DAB1: variants seen among roughly 807,000 people sequenced by gnomAD.
The protein encoded by DAB1 is disabled homolog 1.
Under a neutral mutation model 64.6 loss-of-function variants are expected in DAB1, and 15 were observed. The observed-to-expected ratio is 0.23, with a 90% CI of 0.16 to 0.36. The LOEUF is 0.36. DAB1 is among the 10% of genes least tolerant of loss of function. DAB1 has a pLI of 1.00. For synonymous variants in DAB1, 235 were observed against 251.9 expected, an observed-to-expected ratio of 0.93 and a Z score of 0.64; for missense variants, 596 against 706.7, an observed-to-expected ratio of 0.84 and a Z score of 1.78.
intron 1 of DAB1, among the ~76,000 whole-genome samples, chr1:57,291,816 C>T (rs959405647): frequency 1.2e-4 from 18 of 152,134 alleles, no homozygotes; most frequent in African/African-American, 4.3e-4. Context: ...AATAAATGTG[C>T]ATTGAATAAT....
At chr1:57,887,646 A>G (rs923581855), upstream of DAB1, among the ~76,000 whole-genome samples, 1 of 152,212 alleles carries the variant, frequency 6.6e-6, no homozygotes, top group African/African-American at 2.4e-5. Flanking sequence ...ATCACCAGTA[A>G]TCTATAAACT....
intron 3 of DAB1, among the ~76,000 whole-genome samples, chr1:58,472,895 C>T (rs72669889): frequency 6.6e-6 from 1 of 152,174 alleles, no homozygotes; most frequent in Non-Finnish European, 1.5e-5. Flanking sequence ...GCATACACCA[C>T]AAAGCGAGAG....
chr1:58,408,030 C>A (rs1001379813), intron 3 of DAB1, among the ~76,000 whole-genome samples: 15 of 152,150 alleles, frequency 9.9e-5, no homozygotes, highest in African/African-American at 3.6e-4. Context: ...TGGTGGGTCT[C>A]AACGTGTACT....
chr1:57,192,326 C>T (rs197659), intron 2 of DAB1, among the ~76,000 whole-genome samples: 17,877 of 39,072 alleles, frequency 0.46, 1,691 homozygotes, highest in East Asian at 0.55. Context: ...ATCTCAAAAG[C>T]GGAAAAAAAA....
At chr1:57,344,627 A>T (rs1046227490) in intron 1 of DAB1, among the ~76,000 whole-genome samples, 2 of 151,896 alleles carry the variant, frequency 1.3e-5, no homozygotes, top group Admixed American at 6.6e-5. Flanking sequence ...CGGCAAAAAC[A>T]AGCAGAAGCA....
intron 5 of DAB1, among the ~76,000 whole-genome samples, chr1:57,946,018 G>A (rs72920672): frequency 0.018 from 2,800 of 152,224 alleles, 88 homozygotes; most frequent in African/African-American, 0.064. Flanking sequence ...TAAACCACAG[G>A]CTGCTACTCC....
At chr1:57,791,789 A>T (rs535212978) in intron 6 of DAB1, among the ~76,000 whole-genome samples, 3 of 152,260 alleles carry the variant, frequency 2.0e-5, no homozygotes, top group African/African-American at 7.2e-5. Flanking sequence ...AGATGCTGAG[A>T]TGTTATGCAA....
chr1:57,973,768 A>C (rs1335245645), intron 5 of DAB1, among the ~76,000 whole-genome samples: 1 of 152,096 alleles, frequency 6.6e-6, no homozygotes, highest in East Asian at 1.9e-4. Flanking sequence ...GTTCTTCTCC[A>C]AGTCGCCATC....
intron 4 of DAB1, among the ~76,000 whole-genome samples, chr1:57,136,242 G>T (rs1428168112): frequency 6.6e-6 from 1 of 152,168 alleles, no homozygotes; most frequent in African/African-American, 2.4e-5. Flanking sequence ...AACGCACAAA[G>T]AAATTTAACT....
At chr1:57,825,101 T>C (rs1175027870), downstream of DAB1, among the ~76,000 whole-genome samples, 1 of 152,304 alleles carries the variant, frequency 6.6e-6, no homozygotes, top group East Asian at 1.9e-4. Context: ...GTGAAAAGGG[T>C]GACCCAGTTT....
At position 58,524,716 on chromosome 1, in the gene DAB1, T is replaced by A. The variant is rs573821590; in HGVS notation, n.107+2545A>T. 4.6e-5 allele frequency among the ~76,000 whole-genome samples: 7 copies of A among 152,304 alleles called. No homozygotes were observed. In the South Asian group the frequency reaches 1.5e-3, roughly 32 times the overall value. ...CAGTATATATCAAGCAACTCAACTTTTTCTTGTAATATCATGAGTTTACTT... is the reference window on the plus strand; with the variant it reads ...CAGTATATATCAAGCAACTCAACTTATTCTTGTAATATCATGAGTTTACTT... On this transcript the variant is annotated intron_variant and non_coding_transcript_variant, in intron 2 of 20. Transcript: ENST00000485760.
chr1:57,982,108 A>C (rs1646080825), intron 5 of DAB1, among the ~76,000 whole-genome samples: 1 of 152,154 alleles, frequency 6.6e-6, no homozygotes, highest in East Asian at 1.9e-4. Flanking sequence ...TCAGGTAATA[A>C]GGTAGGGAAA....
chr1:58,460,370 A>C (rs1045236769), intron 3 of DAB1, among the ~76,000 whole-genome samples: 1 of 152,160 alleles, frequency 6.6e-6, no homozygotes, highest in African/African-American at 2.4e-5. Flanking sequence ...GACACTCAGT[A>C]CCCATACAAC....
intron 3 of DAB1, among the ~76,000 whole-genome samples, chr1:58,364,218 T>C (rs1206542865): frequency 6.6e-6 from 1 of 152,192 alleles, no homozygotes. Flanking sequence ...CTGGAGCAGA[T>C]ACCTGTAAGG....
At chr1:58,132,099 C>G (rs1653633333) in intron 5 of DAB1, among the ~76,000 whole-genome samples, 1 of 152,152 alleles carries the variant, frequency 6.6e-6, no homozygotes. Flanking sequence ...GCTGGGCTAG[C>G]AATCAGCGAG....
At chr1:57,152,033 C>T (rs940963260) in intron 2 of DAB1, among the ~76,000 whole-genome samples, 1 of 152,054 alleles carries the variant, frequency 6.6e-6, no homozygotes, top group Non-Finnish European at 1.5e-5. Flanking sequence ...AGGCTGGTCT[C>T]GAACTCCTAA....
intron 4 of DAB1, among the ~76,000 whole-genome samples, chr1:58,224,733 G>A (rs930614726): frequency 6.6e-6 from 1 of 152,102 alleles, no homozygotes; most frequent in Admixed American, 6.6e-5. Flanking sequence ...TTTAATAAAT[G>A]GTGCTGGGAA....
intron 9 of DAB1, among the ~76,000 whole-genome samples, chr1:57,060,211 C>T (rs182225737): frequency 5.4e-5 from 8 of 147,952 alleles, no homozygotes; most frequent in Admixed American, 1.4e-4. Context: ...AGTGCAGTAG[C>T]GCCATCTCGG....
chr1:57,940,878 A>G (rs946727884), intron 5 of DAB1, among the ~76,000 whole-genome samples: 9 of 152,214 alleles, frequency 5.9e-5, no homozygotes, highest in African/African-American at 2.2e-4. Context: ...CTCCAGTGAT[A>G]TGTTTAGGCA....
Sources: gnomAD v4.1 joint callset for allele counts (sites outside exome capture counted in the v4.1 genomes callset) on GRCh38, gnomAD v4.1.1 for gene constraint, MANE v1.5 for transcripts, NCBI Gene and HGNC (gene_info 2026-07-23, HGNC 2026-07-21) for gene names.